Variants in OR2L13 observed in about 807,000 individuals in gnomAD.
OR2L13 encodes olfactory receptor 2L13.
Under a neutral mutation model 15.3 loss-of-function variants are expected in OR2L13, and 14 were observed. The observed-to-expected ratio is 0.91, with a 90% CI of 0.60 to 1.43. The LOEUF (loss-of-function observed/expected upper bound fraction) is 1.43. Among genes scored for constraint, OR2L13 ranks in the 40% most tolerant of loss-of-function variants. The pLI is 0.00. For synonymous variants in OR2L13, 152 were observed against 142.9 expected, an observed-to-expected ratio of 1.06 and a Z score of -0.45; for missense variants, 367 against 387.9, an observed-to-expected ratio of 0.95 and a Z score of 0.45.
the OR2L13 span, among the ~76,000 whole-genome samples, chr1:248,070,782 G>T: frequency 1.3e-5 from 2 of 152,294 alleles, no homozygotes; most frequent in African/African-American, 4.8e-5. Context: ...AATAAAAAAT[G>T]ATAAAGTGGA....
At chr1:248,047,518 G>A in the OR2L13 span, among the ~76,000 whole-genome samples, 2 of 152,144 alleles carry the variant, frequency 1.3e-5, no homozygotes, top group Non-Finnish European at 2.9e-5. Context: ...AATAATGAAG[G>A]TAACCGTATG....
At chr1:248,021,566 A>G in the OR2L13 span, among the ~76,000 whole-genome samples, 1 of 152,146 alleles carries the variant, frequency 6.6e-6, no homozygotes, top group Non-Finnish European at 1.5e-5. Context: ...TGTTCCCTTC[A>G]CTTTATTTCA....
At chr1:248,031,155 A>G in the OR2L13 span, among the ~76,000 whole-genome samples, 1 of 152,346 alleles carries the variant, frequency 6.6e-6, no homozygotes, top group African/African-American at 2.4e-5. Context: ...CATTACTGAA[A>G]CAGATGTATA....
the OR2L13 span, among the ~76,000 whole-genome samples, chr1:247,978,330 A>G: frequency 6.6e-6 from 1 of 151,214 alleles, no homozygotes; most frequent in Non-Finnish European, 1.5e-5. Flanking sequence ...TCAATGGGTA[A>G]TTGAACCCGT....
chr1:248,038,983 C>G, the OR2L13 span: 4 of 1,613,980 alleles, frequency 2.5e-6, no homozygotes, highest in Non-Finnish European at 3.4e-6. Flanking sequence ...GCCTATTCAA[C>G]CTGTAGCACC....
At chr1:247,974,857 T>C in the OR2L13 span, 2 of 234,636 alleles carry the variant, frequency 8.5e-6, no homozygotes, top group South Asian at 7.8e-5. Flanking sequence ...TTGGCTTTAA[T>C]TGGCAATCAG....
the OR2L13 span, among the ~76,000 whole-genome samples, chr1:248,078,274 A>T: frequency 6.6e-6 from 1 of 152,058 alleles, no homozygotes. Context: ...CGAGGTCAGG[A>T]GATCGAAATC....
At chr1:248,042,274 A>T in the OR2L13 span, 1 of 149,076 alleles carries the variant, frequency 6.7e-6, no homozygotes, top group Non-Finnish European at 1.5e-5. Flanking sequence ...CAAACACCGC[A>T]TATTCTCACT....
At chr1:248,065,407 T>G in the OR2L13 span, among the ~76,000 whole-genome samples, 1 of 148,396 alleles carries the variant, frequency 6.7e-6, no homozygotes, top group Non-Finnish European at 1.5e-5. Flanking sequence ...AGGATGAGTA[T>G]CTTTCTTTTT....
At chr1:247,995,459 A>C in the OR2L13 span, among the ~76,000 whole-genome samples, 2 of 152,180 alleles carry the variant, frequency 1.3e-5, no homozygotes, top group Non-Finnish European at 2.9e-5. Flanking sequence ...ATGCTTAGTT[A>C]TTCTTAGCCC....
the OR2L13 span, chr1:248,061,801 C>T: frequency 6.5e-6 from 3 of 460,980 alleles, no homozygotes; most frequent in African/African-American, 2.0e-5. Context: ...CTCCAAACAA[C>T]CTTTTTTCTT....
the OR2L13 span, among the ~76,000 whole-genome samples, chr1:247,984,379 T>C: frequency 6.6e-6 from 1 of 152,266 alleles, no homozygotes; most frequent in East Asian, 1.9e-4. Context: ...TCATGGAAAG[T>C]TGATCATAGA....
chr1:248,021,844 G>T, the OR2L13 span: 2 of 791,712 alleles, frequency 2.5e-6, no homozygotes, highest in Non-Finnish European at 4.2e-6. Flanking sequence ...GCAATTTCAG[G>T]CATTCACTGG....
the OR2L13 span, chr1:247,949,314 A>T: frequency 6.2e-7 from 1 of 1,614,074 alleles, no homozygotes; most frequent in Non-Finnish European, 8.5e-7. Flanking sequence ...CATAGGCTCG[A>T]TCAATGCTTG....
chr1:248,028,834 A>G, the OR2L13 span, among the ~76,000 whole-genome samples: 1 of 152,198 alleles, frequency 6.6e-6, no homozygotes, highest in African/African-American at 2.4e-5. Context: ...CTTGAAGTCT[A>G]TCTTCCCACA....
the OR2L13 span, among the ~76,000 whole-genome samples, chr1:248,079,276 A>G: frequency 1.3e-5 from 2 of 151,888 alleles, no homozygotes; most frequent in Non-Finnish European, 2.9e-5. Context: ...ACTTTTTTTA[A>G]TGTCCTAAAA....
chr1:247,977,127 C>A, the OR2L13 span, among the ~76,000 whole-genome samples: 5 of 152,108 alleles, frequency 3.3e-5, no homozygotes, highest in African/African-American at 1.2e-4. Flanking sequence ...TATCTGTTAC[C>A]ATCAGTGGCT....
At chr1:247,985,364 G>T in the OR2L13 span, among the ~76,000 whole-genome samples, 6 of 151,896 alleles carry the variant, frequency 4.0e-5, no homozygotes, top group Non-Finnish European at 5.9e-5. Context: ...GCGGTGTTTG[G>T]TTTTTTTGTC....
chr1:248,078,543 A>G, the OR2L13 span, among the ~76,000 whole-genome samples: 1 of 152,056 alleles, frequency 6.6e-6, no homozygotes, highest in South Asian at 2.1e-4. Context: ...GCAGTATTTT[A>G]TGCAGTTAAA....
Sources: allele counts gnomAD v4.1 joint callset (sites outside exome capture counted in the v4.1 genomes callset), GRCh38; gene constraint gnomAD v4.1.1; transcripts MANE v1.5; gene names NCBI Gene and HGNC (gene_info 2026-07-23, HGNC 2026-07-21).